FERMT2: variants seen among roughly 807,000 people sequenced by gnomAD.
FERMT2 encodes fermitin family homolog 2.
In FERMT2, 15 loss-of-function variants were observed where a neutral mutation model predicts 82.7. The ratio of observed to expected loss-of-function variants is 0.18; its 90% CI spans 0.12 to 0.28. The LOEUF (loss-of-function observed/expected upper bound fraction) is 0.28, where lower values mean the gene tolerates loss of function less well. FERMT2 is among the 10% of genes least tolerant of loss of function. The pLI is 1.00. For synonymous variants in FERMT2, 274 were observed against 271.5 expected (o/e 1.01, Z -0.09); for missense variants, 645 against 809.4 (o/e 0.80, Z 2.46).
chr14:52,865,719 A>G (rs1276967634), intron 10 of FERMT2, among the ~76,000 whole-genome samples: 1 of 152,190 alleles, frequency 6.6e-6, no homozygotes, highest in Non-Finnish European at 1.5e-5. Flanking sequence ...TGCTTTTTCA[A>G]TTCCTCTTGG....
chr14:52,943,289 A>G (rs1441679066), intron 2 of FERMT2, among the ~76,000 whole-genome samples: 1 of 152,216 alleles, frequency 6.6e-6, no homozygotes, highest in Non-Finnish European at 1.5e-5. Context: ...CAATGTCTTA[A>G]AAGACCAAGG....
At chr14:52,937,766 A>G (rs181100666) in intron 2 of FERMT2, among the ~76,000 whole-genome samples, 1 of 152,322 alleles carries the variant, frequency 6.6e-6, no homozygotes, top group Admixed American at 6.5e-5. Context: ...ATGAATGTAT[A>G]GAATTATCTC....
In FERMT2 at chr14:52,893,417, G is replaced by T. The variant is rs199890407; in HGVS notation, c.402C>A (p.His134Gln). The change falls in exon 4 of 15, where the codon CAC (histidine) becomes CAA (glutamine). Residue 134 changes from histidine (H) to glutamine (Q), a missense_variant. Transcript: ENST00000341590. The stretch of plus-strand genomic sequence containing the variant: ...TCTTTAAGAGAGAAAGTTCTTCGGG[G>T]TGTCTGATATCTGTTAATAAAATAG... ...SDICKTFNIR[H>Q]PEELSLLKKP... The T allele has an allele frequency of 3.8e-4, 613 of 1,599,132 alleles. 1 individual carries two copies. Among genetic ancestry groups the T allele is most frequent in the Non-Finnish European group, 4.3e-4 (509 of 1,174,124 alleles).
intron 3 of FERMT2, among the ~76,000 whole-genome samples, chr14:52,910,260 T>C (rs1313770388): frequency 6.6e-6 from 1 of 152,192 alleles, no homozygotes; most frequent in Non-Finnish European, 1.5e-5. Context: ...ATCAAATAGA[T>C]TCTTCTTCAT....
chr14:52,922,602 C>G (rs971668218), intron 2 of FERMT2, among the ~76,000 whole-genome samples: 10 of 152,064 alleles, frequency 6.6e-5, no homozygotes, highest in African/African-American at 2.2e-4. Context: ...AAGACACTAA[C>G]GTGATAAGGA....
At chr14:52,861,009 C>T in intron 12 of FERMT2, 1 of 1,520,312 alleles carries the variant, frequency 6.6e-7, no homozygotes, top group South Asian at 1.3e-5. Context: ...ATATGGAGAA[C>T]TTACCAAATC....
At chr14:52,869,377 C>G (rs1223247600) in intron 10 of FERMT2, among the ~76,000 whole-genome samples, 1 of 152,162 alleles carries the variant, frequency 6.6e-6, no homozygotes, top group African/African-American at 2.4e-5. Context: ...AGCTCATGTA[C>G]TAGGGTACAG....
chr14:52,857,424 G>T lies in FERMT2; in HGVS notation c.*953C>A, dbSNP rs1884638974. 1 of 152,598 alleles carries T rather than the reference G, an allele frequency of 6.6e-6. No individual in the cohort carries two copies. The highest frequency in any genetic ancestry group is 2.4e-5 in the African/African-American group (1 of 41,434). 9.5% of individuals were successfully genotyped at this position (152,598 alleles called of 1,614,324 possible). ...TTTCTGACTAGCACCAATACAGATT[G>T]TAACAGCGCAACAGACTAGAACATG... is the stretch of plus-strand genomic sequence containing the variant. On this transcript the variant is annotated 3_prime_UTR_variant, in exon 15 of 15. Transcript: ENST00000341590.
intron 10 of FERMT2, among the ~76,000 whole-genome samples, chr14:52,865,955 C>T (rs935676541): frequency 1.3e-5 from 2 of 152,120 alleles, no homozygotes; most frequent in African/African-American, 4.8e-5. Flanking sequence ...TGAATTTCTT[C>T]TTTTATATCT....
chr14:52,896,833 A>AT (rs1887282028), intron 3 of FERMT2, among the ~76,000 whole-genome samples: 13 of 151,338 alleles, frequency 8.6e-5, no homozygotes, highest in Admixed American at 2.0e-4. Context: ...CTACAAACAA[A>AT]ATTTTTTTTT....
chr14:52,894,227 T>C (rs1276123007), intron 3 of FERMT2, among the ~76,000 whole-genome samples: 1 of 152,132 alleles, frequency 6.6e-6, no homozygotes, highest in Non-Finnish European at 1.5e-5. Flanking sequence ...ACAAGGAAAA[T>C]GGTTAAATGA....
intron 10 of FERMT2, among the ~76,000 whole-genome samples, chr14:52,870,216 C>T (rs7141335): frequency 0.81 from 122,157 of 151,452 alleles, 50,656 homozygotes; most frequent in Non-Finnish European, 0.9. Context: ...TCCTGCAAGC[C>T]CCATTCATGG....
chr14:52,868,846 T>C (rs1351610120), intron 10 of FERMT2, among the ~76,000 whole-genome samples: 8 of 152,306 alleles, frequency 5.3e-5, no homozygotes, highest in East Asian at 3.9e-4. Context: ...GCTTGTTTAG[T>C]AGAAGAGCAG....
intron 3 of FERMT2, among the ~76,000 whole-genome samples, chr14:52,913,021 T>C (rs1233510151): frequency 6.6e-6 from 1 of 152,198 alleles, no homozygotes; most frequent in Non-Finnish European, 1.5e-5. Context: ...GTGATTTTGA[T>C]CCTTGAATGA....
At chr14:52,934,641 T>C (rs1889752516) in intron 2 of FERMT2, among the ~76,000 whole-genome samples, 1 of 152,246 alleles carries the variant, frequency 6.6e-6, no homozygotes, top group African/African-American at 2.4e-5. Context: ...TATGTAAGTT[T>C]ACCTTCACTA....
At chr14:52,911,347 G>C (rs1888298559) in intron 3 of FERMT2, among the ~76,000 whole-genome samples, 1 of 151,968 alleles carries the variant, frequency 6.6e-6, no homozygotes, top group Admixed American at 6.6e-5. Context: ...ATTAGTTCTT[G>C]AGCTACACAA....
At chr14:52,925,056 T>A (rs1234111810) in intron 2 of FERMT2, among the ~76,000 whole-genome samples, 1 of 152,212 alleles carries the variant, frequency 6.6e-6, no homozygotes, top group Non-Finnish European at 1.5e-5. Flanking sequence ...TATATCACAC[T>A]ACCTATCTTA....
At chr14:52,864,377 G>C (rs754998020) in intron 12 of FERMT2, 24 bp downstream of exon 12, 2 of 1,542,136 alleles carry the variant, frequency 1.3e-6, no homozygotes, top group Non-Finnish European at 1.8e-6. Context: ...CAGCACAGTA[G>C]ATGAAGTAAA....
At chr14:52,888,639 C>T (rs568323443) in intron 4 of FERMT2, among the ~76,000 whole-genome samples, 154 of 152,258 alleles carry the variant, frequency 1.0e-3, no homozygotes, top group Non-Finnish European at 1.6e-3. Flanking sequence ...TTAAGATTTC[C>T]TGCTTCCTGG....
Sources: allele counts gnomAD v4.1 joint callset (sites outside exome capture counted in the v4.1 genomes callset), GRCh38; gene constraint gnomAD v4.1.1; transcripts MANE v1.5; gene names NCBI Gene and HGNC (gene_info 2026-07-23, HGNC 2026-07-21).